ZNF32: variants seen among roughly 807,000 people sequenced by gnomAD.
The protein encoded by ZNF32 is C2H2-546.
Under a neutral mutation model 24.4 loss-of-function variants are expected in ZNF32, and 13 were observed. That is an observed-to-expected ratio of 0.53 (90% CI 0.35 to 0.85). ZNF32 has a LOEUF of 0.85. ZNF32 is among the 40% of genes least tolerant of loss of function. ZNF32 has a pLI of 0.01. For missense variants in ZNF32, 239 were observed against 325.3 expected (o/e 0.73, Z 2.04); for synonymous variants, 115 against 117.4 (o/e 0.98, Z 0.13).
In ZNF32 at chr10:43,646,154, TCA is replaced by T; in HGVS notation, c.-23_-22del. On this transcript the variant is annotated 5_prime_UTR_variant, in exon 2 of 3. Transcript: ENST00000374433. ...AACATGTCCACTCCTGCTTACGACC[TCA>T]GTCACCACCTCTTCATATGATTCTT... The T allele has an allele frequency of 6.2e-7, 1 of 1,613,694 alleles. No homozygotes were observed. The highest frequency in any genetic ancestry group is 8.5e-7 in the Non-Finnish European group (1 of 1,179,756).
At chr10:43,647,242 A>G (rs1233019244) in intron 1 of ZNF32, 1 of 152,022 alleles carries the variant, frequency 6.6e-6, no homozygotes, top group East Asian at 1.9e-4. Context: ...AATTTTTAAA[A>G]ATTATTTTAA....
chr10:43,645,857 G>T, intron 2 of ZNF32: 2 of 1,102,378 alleles, frequency 1.8e-6, no homozygotes, highest in Non-Finnish European at 2.4e-6. Flanking sequence ...CTACTTCAAC[G>T]CTACCTCCAT....
At chr10:43,647,569 C>T (rs1366114297) in intron 1 of ZNF32, 9 of 152,174 alleles carry the variant, frequency 5.9e-5, no homozygotes, top group African/African-American at 2.2e-4. Context: ...TCAACCTAAG[C>T]ACCTGGTTCT....
chr10:43,647,635 T>G (rs1839351167), intron 1 of ZNF32: 1 of 152,224 alleles, frequency 6.6e-6, no homozygotes. Flanking sequence ...ATCATTTAAA[T>G]TTTTATTTGG....
intron 1 of ZNF32, among the ~76,000 whole-genome samples, chr10:43,648,287 C>A (rs1298367507): frequency 6.6e-6 from 1 of 152,210 alleles, no homozygotes; most frequent in Non-Finnish European, 1.5e-5. Flanking sequence ...GAGGGGTACA[C>A]TTGGCGGTCT....
chr10:43,646,027 G>A, intron 2 of ZNF32, 37 bp downstream of exon 2: 11 of 1,613,060 alleles, frequency 6.8e-6, no homozygotes, highest in Non-Finnish European at 9.3e-6. Context: ...GAATATCTGT[G>A]AGCTGAGCGC....
At chr10:43,645,232 T>C (rs1839244393) in intron 2 of ZNF32, among the ~76,000 whole-genome samples, 1 of 152,072 alleles carries the variant, frequency 6.6e-6, no homozygotes, top group Non-Finnish European at 1.5e-5. Context: ...CCTAAAACTT[T>C]CCCATTTTAG....
chr10:43,645,281 G>C (rs928425211), intron 2 of ZNF32, among the ~76,000 whole-genome samples: 1 of 152,188 alleles, frequency 6.6e-6, no homozygotes, highest in Non-Finnish European at 1.5e-5. Context: ...TTAAGCACAG[G>C]GTCTTGGAGA....
rs1323862597 is a variant in ZNF32 at position 43,646,049 on chromosome 10, A to C, written c.70+15T>G. 1 of 1,614,024 alleles carries C rather than the reference A, an allele frequency of 6.2e-7. No homozygotes were observed. ...TGTGAGCTGAGCGCATCCAGCCATCAACTGACTCACTCACTGAAGAACGCT... is the reference window on the plus strand; with the variant it reads ...TGTGAGCTGAGCGCATCCAGCCATCCACTGACTCACTCACTGAAGAACGCT... On this transcript the variant is annotated intron_variant, in intron 2 of 2. Transcript: ENST00000374433.
chr10:43,644,853 G>C lies in ZNF32; in HGVS notation c.71-52C>G. 6.5e-7 allele frequency: 1 copy of C among 1,526,796 alleles called. No individual in the cohort carries two copies. The highest frequency in any genetic ancestry group is 8.8e-7 in the Non-Finnish European group (1 of 1,140,302). The allele number at this position is 1,526,796 out of a possible 1,614,324, so 94.6% of individuals were successfully genotyped here. A position where few individuals can be genotyped will look rare whatever the true frequency, so the allele number is the denominator to read the frequency against. ...AAGAAGCACCAATAATGCTGAGTTA[G>C]AATAGGGAAAAAGAAACATAATACT... On this transcript the variant is annotated intron_variant, in intron 2 of 2. Coordinates refer to ENST00000374433, the MANE Select transcript of ZNF32 (RefSeq NM_006973.3). This position sits in a 1 kb window ranked among gnomAD's most constrained non-coding sequence, Gnocchi z 5.3.
rs1839201894 is a variant in ZNF32 at position 43,644,213 on chromosome 10, G to C, written c.659C>G (p.Thr220Ser). 6 of 1,614,196 alleles carry C rather than the reference G, an allele frequency of 3.7e-6. No homozygotes were observed. The highest frequency in any genetic ancestry group is 1.3e-5 in the African/African-American group (1 of 75,044). The change falls in exon 3 of 3, where the codon ACC becomes AGC. Residue 220 changes from threonine (T) to serine (S), a missense_variant. Physicochemically the swap from Thr to Ser is moderately conservative, Grantham distance 58. Transcript: ENST00000374433. This position sits in a 1 kb window ranked among gnomAD's most constrained non-coding sequence, Gnocchi z 5.3. ...VHTGLKPYAC[T>S]QCRKSFHTRG... ...GGTGTGGAAACTCTTCCTGCACTGGGTACAGGCATAGGGCTTCAGGCCTGT... is the reference window on the plus strand; with the variant it reads ...GGTGTGGAAACTCTTCCTGCACTGGCTACAGGCATAGGGCTTCAGGCCTGT...
chr10:43,648,687 C>T (rs868118239), intron 1 of ZNF32, 115 bp downstream of exon 1: 28 of 152,268 alleles, frequency 1.8e-4, no homozygotes, highest in African/African-American at 6.7e-4. Context: ...CAGGCCTGCT[C>T]ATTTCCTTGG....
chr10:43,644,613 G>T lies in ZNF32; in HGVS notation c.259C>A (p.Arg87=). ...YECQECGKSF[R]QKGSLTLHER... The stretch of plus-strand genomic sequence containing the variant: ...TGTAACGTTAGACTACCTTTTTGCC[G>T]GAAGGATTTTCCACACTCCTGGCAC... The change falls in exon 3 of 3, where the codon CGG becomes AGG. Residue 87 remains arginine, a synonymous_variant. Coordinates refer to ENST00000374433, the MANE Select transcript of ZNF32 (RefSeq NM_006973.3). The surrounding 1 kb of genome is among the most constrained non-coding windows in gnomAD (Gnocchi z 5.3). The T allele has an allele frequency of 6.2e-7, 1 of 1,613,394 alleles. No individual in the cohort carries two copies. The highest frequency in any genetic ancestry group is 8.5e-7 in the Non-Finnish European group (1 of 1,179,808).
intron 2 of ZNF32, chr10:43,645,171 A>T (rs2132376812): frequency 5.9e-6 from 1 of 168,724 alleles, no homozygotes; most frequent in East Asian, 1.7e-4. Context: ...AGAGCCCCAT[A>T]CCCAACTTTT....
At position 43,648,858 on chromosome 10, in the gene ZNF32, G is replaced by A. The variant is rs1839421049; in HGVS notation, c.-126C>T. 1 of 151,920 alleles carries A rather than the reference G, an allele frequency of 6.6e-6. No homozygotes were observed. Among genetic ancestry groups the A allele is most frequent in the Non-Finnish European group, 1.5e-5 (1 of 67,932 alleles). 9.4% of individuals were successfully genotyped at this position (151,920 alleles called of 1,614,324 possible). ...GCGCCGAGCCCGCAGCAGCGCCAGCGCCGGCGCCGGCGGAATGGACTACAA... is the reference window on the plus strand; with the variant it reads ...GCGCCGAGCCCGCAGCAGCGCCAGCACCGGCGCCGGCGGAATGGACTACAA... On this transcript the variant is annotated 5_prime_UTR_variant, in exon 1 of 3. Coordinates refer to ENST00000374433, the MANE Select transcript of ZNF32 (RefSeq NM_006973.3).
chr10:43,648,149 A>G (rs1279317948), intron 1 of ZNF32: 2 of 152,134 alleles, frequency 1.3e-5, no homozygotes, highest in Non-Finnish European at 2.9e-5. Context: ...CCCACTTATT[A>G]AACAGGTTAC....
chr10:43,646,014 A>G (rs747732006), intron 2 of ZNF32, 50 bp downstream of exon 2: 47 of 1,611,096 alleles, frequency 2.9e-5, no homozygotes, highest in Middle Eastern at 1.7e-4. Flanking sequence ...GAACAGGGAC[A>G]CTGAATATCT....
At chr10:43,645,896 A>G in intron 2 of ZNF32, 168 bp downstream of exon 2, 2 of 1,375,476 alleles carry the variant, frequency 1.5e-6, no homozygotes, top group Non-Finnish European at 1.9e-6. Context: ...CTCTGTTTCT[A>G]CTATTACTTC....
At chr10:43,648,249 C>A (rs1839385977) in intron 1 of ZNF32, among the ~76,000 whole-genome samples, 1 of 152,192 alleles carries the variant, frequency 6.6e-6, no homozygotes, top group Non-Finnish European at 1.5e-5. Flanking sequence ...GATCTAAAAT[C>A]CGGCGTCCTC....
Sources: allele counts gnomAD v4.1 joint callset (sites outside exome capture counted in the v4.1 genomes callset), GRCh38; gene constraint gnomAD v4.1.1; non-coding constraint Gnocchi (gnomAD v3.1); transcripts MANE v1.5; gene names NCBI Gene and HGNC (gene_info 2026-07-23, HGNC 2026-07-21).